The following AGBL4 variants were observed in gnomAD, a reference collection of about 807,000 sequenced individuals.
AGBL4 encodes cytosolic carboxypeptidase 6.
Under a neutral mutation model 66.4 loss-of-function variants are expected in AGBL4, and 58 were observed. That is an observed-to-expected ratio of 0.87 (90% CI 0.71 to 1.09). The LOEUF (loss-of-function observed/expected upper bound fraction) is 1.09. AGBL4 is among the 50% of genes least tolerant of loss of function. The pLI, the probability that AGBL4 is intolerant of heterozygous loss-of-function variation, is 0.00. For synonymous variants in AGBL4, 234 were observed against 222.9 expected, an observed-to-expected ratio of 1.05 and a Z score of -0.44; for missense variants, 579 against 631.0, an observed-to-expected ratio of 0.92 and a Z score of 0.88.
intron 4 of AGBL4, among the ~76,000 whole-genome samples, chr1:49,115,762 C>A (rs565237623): frequency 1.3e-5 from 2 of 152,162 alleles, no homozygotes; most frequent in East Asian, 1.9e-4. Context: ...TTCTAAGATA[C>A]AAATCCCCCC....
chr1:48,932,310 T>TA (rs1051383861), intron 5 of AGBL4, among the ~76,000 whole-genome samples: 2 of 152,070 alleles, frequency 1.3e-5, no homozygotes, highest in Non-Finnish European at 1.5e-5. Flanking sequence ...TTCCTACCCT[T>TA]AAAAAAATGT....
At position 48,833,688 on chromosome 1, in the gene AGBL4, A is replaced by G. The variant is rs117087340; in HGVS notation, c.634+33503T>C. 5.7e-3 allele frequency among the ~76,000 whole-genome samples: 863 copies of G among 152,310 alleles called. 19 individuals carry two copies. The highest frequency in any genetic ancestry group is 0.055 in the East Asian group (286 of 5,184). The stretch of plus-strand genomic sequence containing the variant: ...GCCATCTCAACAGAAGCCATGAATA[A>G]ATGAGATTATACCAGGGGAAACACT... On this transcript the variant is annotated intron_variant, in intron 6 of 13. Coordinates refer to ENST00000371839, the MANE Select transcript of AGBL4 (RefSeq NM_032785.4).
intron 1 of AGBL4, among the ~76,000 whole-genome samples, chr1:49,965,658 G>T (rs1009606822): frequency 6.6e-6 from 1 of 152,014 alleles, no homozygotes; most frequent in African/African-American, 2.4e-5. Context: ...AACAGCAAAA[G>T]TTATACATAT....
chr1:48,550,209 A>T (rs140848734), intron 11 of AGBL4, among the ~76,000 whole-genome samples: 1 of 152,306 alleles, frequency 6.6e-6, no homozygotes, highest in African/African-American at 2.4e-5. Flanking sequence ...CCACACACTT[A>T]GTGGCTTAAA....
At chr1:49,166,362 G>A (rs1334967235) in intron 4 of AGBL4, among the ~76,000 whole-genome samples, 1 of 152,078 alleles carries the variant, frequency 6.6e-6, no homozygotes, top group African/African-American at 2.4e-5. Context: ...ATGTTTTGTA[G>A]GGAGCCAAGA....
At chr1:49,603,075 T>C (rs1644992779) in intron 3 of AGBL4, among the ~76,000 whole-genome samples, 2 of 152,070 alleles carry the variant, frequency 1.3e-5, no homozygotes, top group Admixed American at 1.3e-4. Context: ...ATATAGCCAG[T>C]CAGTGTCATA....
chr1:48,986,388 G>C (rs541682768), intron 5 of AGBL4, among the ~76,000 whole-genome samples: 4 of 152,014 alleles, frequency 2.6e-5, no homozygotes, highest in Admixed American at 2.6e-4. Context: ...TTTAAAGTCA[G>C]TAATAAAGAG....
intron 1 of AGBL4, among the ~76,000 whole-genome samples, chr1:49,938,881 G>C (rs952840341): frequency 6.6e-6 from 1 of 152,066 alleles, no homozygotes; most frequent in Admixed American, 6.6e-5. Context: ...GAAATAAAGG[G>C]TATTCAATTA....
At chr1:48,526,289 G>A in the AGBL4 span, among the ~76,000 whole-genome samples, 1 of 152,190 alleles carries the variant, frequency 6.6e-6, no homozygotes, top group Admixed American at 6.5e-5. Flanking sequence ...AAGCATTAGA[G>A]TCTGATGACT....
At chr1:49,192,592 C>T (rs1173545971) in intron 4 of AGBL4, among the ~76,000 whole-genome samples, 1 of 152,234 alleles carries the variant, frequency 6.6e-6, no homozygotes, top group South Asian at 2.1e-4. Context: ...AGCCACCATG[C>T]CCAGCTTATA....
intron 11 of AGBL4, among the ~76,000 whole-genome samples, chr1:48,563,595 GAA>G (rs1255881092): frequency 1.3e-5 from 2 of 152,146 alleles, no homozygotes; most frequent in Admixed American, 6.6e-5. Context: ...AATTCTCAGA[GAA>G]AGTGACAGAG....
chr1:48,605,827 G>A (rs1645146527), intron 9 of AGBL4, among the ~76,000 whole-genome samples: 1 of 152,192 alleles, frequency 6.6e-6, no homozygotes, highest in South Asian at 2.1e-4. Context: ...GAGAAAGGCA[G>A]ACCTCAAAGT....
At chr1:48,672,915 G>A (rs184293966) in intron 6 of AGBL4, among the ~76,000 whole-genome samples, 5 of 152,276 alleles carry the variant, frequency 3.3e-5, no homozygotes, top group Non-Finnish European at 7.3e-5. Flanking sequence ...GTTTTGAGCA[G>A]TTACTGTGTA....
chr1:49,406,015 T>A (rs1229605410), intron 3 of AGBL4, among the ~76,000 whole-genome samples: 1 of 152,182 alleles, frequency 6.6e-6, no homozygotes, highest in Non-Finnish European at 1.5e-5. Context: ...ACAACCACTA[T>A]CCTTCAATTC....
chr1:49,064,550 A>G (rs1271279562), intron 4 of AGBL4, among the ~76,000 whole-genome samples: 4 of 152,190 alleles, frequency 2.6e-5, no homozygotes, highest in African/African-American at 4.8e-5. Flanking sequence ...TCTACTTCCC[A>G]TGGATTCCGT....
chr1:49,542,678 A>G (rs1270831409), intron 3 of AGBL4, among the ~76,000 whole-genome samples: 1 of 152,058 alleles, frequency 6.6e-6, no homozygotes, highest in Non-Finnish European at 1.5e-5. Context: ...TGGGCAGATC[A>G]CTTGAGGTCA....
At chr1:49,009,578 A>T (rs1198197435) in intron 5 of AGBL4, among the ~76,000 whole-genome samples, 2 of 152,110 alleles carry the variant, frequency 1.3e-5, no homozygotes, top group Non-Finnish European at 2.9e-5. Flanking sequence ...ACAACCAAAA[A>T]AGAGAATTTT....
chr1:49,361,558 T>G (rs1644135441), intron 3 of AGBL4, among the ~76,000 whole-genome samples: 3 of 152,238 alleles, frequency 2.0e-5, no homozygotes, highest in Admixed American at 2.0e-4. Context: ...ACTCCTGAGC[T>G]CAGGCAATCC....
At chr1:48,609,944 T>C (rs1645211385) in intron 9 of AGBL4, among the ~76,000 whole-genome samples, 1 of 152,168 alleles carries the variant, frequency 6.6e-6, no homozygotes, top group Admixed American at 6.5e-5. Flanking sequence ...AGGATGGGAA[T>C]AGGAAGAACG....
Sources: gnomAD v4.1 joint callset for allele counts (sites outside exome capture counted in the v4.1 genomes callset) on GRCh38, gnomAD v4.1.1 for gene constraint, MANE v1.5 for transcripts, NCBI Gene and HGNC (gene_info 2026-07-23, HGNC 2026-07-21) for gene names.